The following NEGR1 variants were observed in gnomAD, a reference collection of about 807,000 sequenced individuals.
NEGR1 encodes the protein neuronal growth regulator 1.
In NEGR1, 10 loss-of-function variants were observed where a neutral mutation model predicts 40.9. That is an observed-to-expected ratio of 0.24 (90% confidence interval 0.15 to 0.42). The LOEUF (loss-of-function observed/expected upper bound fraction) is 0.42. NEGR1 is among the 10% of genes least tolerant of loss of function. The probability of loss-of-function intolerance (pLI) is 1.00; values close to 1 mark genes in which losing one functional copy is unlikely to be tolerated. For synonymous variants in NEGR1, 185 were observed against 166.8 expected (o/e 1.11, Z -0.84); for missense variants, 352 against 438.9 (o/e 0.80, Z 1.77).
intron 1 of NEGR1, among the ~76,000 whole-genome samples, chr1:72,191,550 A>G (rs1201429339): frequency 6.6e-6 from 1 of 151,854 alleles, no homozygotes; most frequent in Non-Finnish European, 1.5e-5. Flanking sequence ...TCTTATGATA[A>G]TAAACATCCA....
intron 4 of NEGR1, among the ~76,000 whole-genome samples, chr1:71,623,329 C>T (rs922981493): frequency 1.3e-5 from 2 of 151,784 alleles, no homozygotes; most frequent in Non-Finnish European, 2.9e-5. Context: ...GAACATTAAA[C>T]CACTTTCACC....
chr1:71,798,891 C>T (rs1194756117), intron 2 of NEGR1, among the ~76,000 whole-genome samples: 1 of 152,098 alleles, frequency 6.6e-6, no homozygotes, highest in Non-Finnish European at 1.5e-5. Flanking sequence ...CATTCAAAGA[C>T]TGGGGTGTAA....
chr1:71,875,417 T>A (rs904142186), intron 2 of NEGR1, among the ~76,000 whole-genome samples: 5 of 152,172 alleles, frequency 3.3e-5, no homozygotes, highest in Non-Finnish European at 7.3e-5. Context: ...TAAAAGCAGA[T>A]ATCTGGTCAT....
chr1:71,458,817 G>A (rs543606933), intron 6 of NEGR1, among the ~76,000 whole-genome samples: 1 of 152,186 alleles, frequency 6.6e-6, no homozygotes, highest in East Asian at 1.9e-4. Context: ...CACAGCACTT[G>A]GTCATTTGTT....
intron 3 of NEGR1, among the ~76,000 whole-genome samples, chr1:71,775,712 C>T (rs1007416324): frequency 2.6e-5 from 4 of 151,870 alleles, no homozygotes; most frequent in African/African-American, 9.6e-5. Context: ...TGCATTTTGG[C>T]CAGGCGCGAT....
chr1:71,439,509 C>A (rs776046743), intron 6 of NEGR1, among the ~76,000 whole-genome samples: 2 of 152,114 alleles, frequency 1.3e-5, no homozygotes, highest in Non-Finnish European at 2.9e-5. Flanking sequence ...ACTACAGGCA[C>A]ATGCCACTAA....
intron 3 of NEGR1, among the ~76,000 whole-genome samples, chr1:71,720,138 G>A (rs1654455993): frequency 6.6e-6 from 1 of 152,170 alleles, no homozygotes; most frequent in African/African-American, 2.4e-5. Flanking sequence ...ATGATAGCCA[G>A]CAGCAATTAA....
intron 2 of NEGR1, among the ~76,000 whole-genome samples, chr1:71,847,549 T>C (rs1369692291): frequency 6.6e-6 from 1 of 152,202 alleles, no homozygotes; most frequent in East Asian, 1.9e-4. Context: ...CTTGTAATTG[T>C]TTTAATTGTT....
intron 1 of NEGR1, among the ~76,000 whole-genome samples, chr1:72,026,631 T>C (rs1243408323): frequency 1.3e-5 from 2 of 152,182 alleles, no homozygotes; most frequent in Non-Finnish European, 2.9e-5. Flanking sequence ...TCTGACCCTC[T>C]CTCTCTCCTG....
chr1:72,007,433 A>G (rs1285844672), intron 1 of NEGR1, among the ~76,000 whole-genome samples: 1 of 151,580 alleles, frequency 6.6e-6, no homozygotes, highest in Non-Finnish European at 1.5e-5. Flanking sequence ...TAACCTGACC[A>G]ATTTTCTGGG....
At chr1:71,686,916 A>C (rs1422207919) in intron 4 of NEGR1, among the ~76,000 whole-genome samples, 3 of 152,186 alleles carry the variant, frequency 2.0e-5, no homozygotes, top group African/African-American at 7.2e-5. Context: ...ATGCTCACAA[A>C]GATGAAACAG....
chr1:72,076,337 G>A (rs1162012112), intron 1 of NEGR1, among the ~76,000 whole-genome samples: 2 of 152,088 alleles, frequency 1.3e-5, no homozygotes, highest in South Asian at 2.1e-4. Context: ...AGCCATTTAC[G>A]AACAAGGAAA....
At chr1:71,565,646 G>A (rs1033233048) in intron 6 of NEGR1, among the ~76,000 whole-genome samples, 1 of 152,032 alleles carries the variant, frequency 6.6e-6, no homozygotes, top group Non-Finnish European at 1.5e-5. Context: ...TGCAGAGACA[G>A]AAAAATGAAA....
rs115355978 is a variant in NEGR1, at chr1:72,186,723, G to A, written c.176+95596C>T. On this transcript the variant is annotated intron_variant, in intron 1 of 6. Transcript: ENST00000357731. Reference sequence around the variant, plus strand: ...TGTATTAATGTTAGAATTTCATTGCGTTCTGTGTTAAGAATCTACTGCTTC... The same window carrying A: ...TGTATTAATGTTAGAATTTCATTGCATTCTGTGTTAAGAATCTACTGCTTC... Among the ~76,000 whole-genome samples the A allele has an allele frequency of 2.2e-3, 331 of 151,720 alleles. 6 individuals carry two copies. The highest frequency in any genetic ancestry group is 2.8e-3 in the Non-Finnish European group (191 of 67,686).
At chr1:71,827,016 T>C (rs761929515) in intron 2 of NEGR1, among the ~76,000 whole-genome samples, 5 of 151,856 alleles carry the variant, frequency 3.3e-5, no homozygotes, top group African/African-American at 7.2e-5. Flanking sequence ...TAGCAAGCGA[T>C]TGCTTTTAAG....
At chr1:71,979,700 A>C (rs1015054423) in intron 1 of NEGR1, among the ~76,000 whole-genome samples, 1 of 152,170 alleles carries the variant, frequency 6.6e-6, no homozygotes, top group Non-Finnish European at 1.5e-5. Flanking sequence ...CACAAAAAAG[A>C]AGGATGAAAA....
At chr1:71,652,497 A>G (rs188199939) in intron 4 of NEGR1, among the ~76,000 whole-genome samples, 2 of 152,302 alleles carry the variant, frequency 1.3e-5, no homozygotes, top group Admixed American at 1.3e-4. Context: ...GGCTACTTAT[A>G]TACTACAATA....
chr1:71,733,813 C>G (rs1654961736), intron 3 of NEGR1, among the ~76,000 whole-genome samples: 1 of 152,126 alleles, frequency 6.6e-6, no homozygotes, highest in Non-Finnish European at 1.5e-5. Flanking sequence ...ATCTAACTGC[C>G]TGTATAGTAC....
chr1:71,808,216 A>T (rs1415764420), intron 2 of NEGR1, among the ~76,000 whole-genome samples: 1 of 152,170 alleles, frequency 6.6e-6, no homozygotes, highest in African/African-American at 2.4e-5. Context: ...AAAATGAGGA[A>T]CTGAATCCAA....
Sources: gnomAD v4.1 joint callset for allele counts (sites outside exome capture counted in the v4.1 genomes callset) on GRCh38, gnomAD v4.1.1 for gene constraint, MANE v1.5 for transcripts, NCBI Gene and HGNC (gene_info 2026-07-23, HGNC 2026-07-21) for gene names.